HCRTR2: variants seen among roughly 807,000 people sequenced by gnomAD.
HCRTR2 encodes the protein orexin receptor type 2.
HCRTR2 carries 22 observed loss-of-function variants against 49.0 expected under a neutral mutation model. The ratio of observed to expected loss-of-function variants is 0.45; its 90% CI spans 0.32 to 0.64. The LOEUF is 0.64. HCRTR2 is among the 30% of genes least tolerant of loss of function. HCRTR2 has a pLI of 0.04. For synonymous variants in HCRTR2, 236 were observed against 205.3 expected, an observed-to-expected ratio of 1.15 and a Z score of -1.28; for missense variants, 491 against 559.4, an observed-to-expected ratio of 0.88 and a Z score of 1.23.
rs767513282 is a variant in HCRTR2, at chr6:55,263,808, C to G, written c.748C>G (p.Leu250Val). The change falls in exon 4 of 7, where the codon CTC (leucine) becomes GTC (valine). Residue 250 changes from leucine (L) to valine (V), a missense_variant. Coordinates refer to ENST00000370862, the MANE Select transcript of HCRTR2 (RefSeq NM_001384272.1). Reference sequence around the variant, plus strand: ...GGCTTATCTGCAAATATTTCGCAAACTCTGGTGTCGACAGGTATATAGTTT... The same window carrying G: ...GGCTTATCTGCAAATATTTCGCAAAGTCTGGTGTCGACAGGTATATAGTTT... The part of the protein sequence containing the change: ...VLAYLQIFRK[L>V]WCRQIPGTSS... 6.2e-7 allele frequency: 1 copy of G among 1,602,888 alleles called. No homozygotes were observed. Among genetic ancestry groups the G allele is most frequent in the Non-Finnish European group, 8.5e-7 (1 of 1,170,274 alleles).
At chr6:55,237,862 T>G (rs1766243666) in intron 1 of HCRTR2, among the ~76,000 whole-genome samples, 1 of 152,226 alleles carries the variant, frequency 6.6e-6, no homozygotes, top group African/African-American at 2.4e-5. Flanking sequence ...AATTGGCACT[T>G]TCTGGATATT....
At position 55,282,272 on chromosome 6, in the gene HCRTR2, G is replaced by A. The variant is rs763502521; in HGVS notation, c.1153G>A (p.Gly385Arg). The part of the protein sequence containing the change: ...FKAAFSCCCL[G>R]VHHRQEDRLT... Reference sequence around the variant, plus strand: ...AGCTGCGTTTTCTTGCTGTTGCCTTGGAGTTCACCATCGCCAGGAGGATCG... The same window carrying A: ...AGCTGCGTTTTCTTGCTGTTGCCTTAGAGTTCACCATCGCCAGGAGGATCG... Residue 385 changes from glycine (G) to arginine (R), a missense_variant, in exon 7 of 7, where the codon GGA becomes AGA. Coordinates refer to ENST00000370862, the MANE Select transcript of HCRTR2 (RefSeq NM_001384272.1). The A allele has an allele frequency of 3.1e-6, 5 of 1,613,812 alleles. No individual in the cohort carries two copies. In the South Asian group the frequency reaches 4.4e-5, roughly 14 times the overall value.
intron 4 of HCRTR2, among the ~76,000 whole-genome samples, chr6:55,275,861 T>C (rs1475980786): frequency 2.6e-5 from 4 of 152,056 alleles, no homozygotes; most frequent in Admixed American, 2.0e-4. Flanking sequence ...CGAAAACTGT[T>C]TCTAATGGCG....
chr6:55,267,364 T>C (rs1766878919), intron 4 of HCRTR2, among the ~76,000 whole-genome samples: 1 of 151,498 alleles, frequency 6.6e-6, no homozygotes, highest in African/African-American at 2.4e-5. Flanking sequence ...AAGAATTAGC[T>C]AATGCATTGC....
intron 1 of HCRTR2, among the ~76,000 whole-genome samples, chr6:55,167,702 C>G (rs1764897448): frequency 6.6e-6 from 1 of 152,148 alleles, no homozygotes; most frequent in Admixed American, 6.5e-5. Flanking sequence ...CCCTTCAGAG[C>G]ACCCGACGAT....
intron 1 of HCRTR2, among the ~76,000 whole-genome samples, chr6:55,107,647 A>T (rs1233715925): frequency 6.6e-6 from 1 of 151,814 alleles, no homozygotes. Context: ...CAAAAATAAT[A>T]GTTTCACAAA....
At chr6:55,124,052 C>G (rs766417110) in intron 1 of HCRTR2, among the ~76,000 whole-genome samples, 1 of 151,966 alleles carries the variant, frequency 6.6e-6, no homozygotes, top group Non-Finnish European at 1.5e-5. Flanking sequence ...TTTTGTTAAT[C>G]TTTTCAAAAA....
intron 2 of HCRTR2, among the ~76,000 whole-genome samples, chr6:55,251,191 G>A (rs1286720942): frequency 6.6e-6 from 1 of 152,054 alleles, no homozygotes; most frequent in Non-Finnish European, 1.5e-5. Flanking sequence ...ATCATGCCCA[G>A]CCACATTTTA....
At chr6:55,129,564 T>C (rs779018065) in intron 1 of HCRTR2, among the ~76,000 whole-genome samples, 10 of 152,226 alleles carry the variant, frequency 6.6e-5, no homozygotes, top group Non-Finnish European at 1.3e-4. Context: ...AGTTATTCCA[T>C]GGTCTCCTCT....
intron 1 of HCRTR2, among the ~76,000 whole-genome samples, chr6:55,231,804 CTGTT>C (rs1766119956): frequency 2.0e-5 from 3 of 152,120 alleles, no homozygotes; most frequent in Admixed American, 1.3e-4. Flanking sequence ...ATCAATCTAG[CTGTT>C]TCTCTATTTT....
chr6:55,174,850 C>A, intron 1 of HCRTR2, 40 bp downstream of exon 1: 1 of 1,516,438 alleles, frequency 6.6e-7, no homozygotes, highest in Non-Finnish European at 9.2e-7. Context: ...GGGCTATCAC[C>A]CCCTCTCCGC....
chr6:55,268,032 A>G (rs914445976), intron 4 of HCRTR2, among the ~76,000 whole-genome samples: 1 of 152,202 alleles, frequency 6.6e-6, no homozygotes, highest in African/African-American at 2.4e-5. Flanking sequence ...TCACCTTATA[A>G]TGTATACAGA....
intron 1 of HCRTR2, among the ~76,000 whole-genome samples, chr6:55,236,189 C>T (rs1766209448): frequency 6.6e-6 from 1 of 151,882 alleles, no homozygotes; most frequent in African/African-American, 2.4e-5. Context: ...TCATATTTTA[C>T]AGTGCAGAAA....
At chr6:55,160,154 C>T (rs1448250698) in intron 1 of HCRTR2, among the ~76,000 whole-genome samples, 1 of 152,186 alleles carries the variant, frequency 6.6e-6, no homozygotes, top group African/African-American at 2.4e-5. Flanking sequence ...AGAAACCCTA[C>T]AAGCCAGAAG....
In HCRTR2 at chr6:55,263,557, A is replaced by G. The variant is rs1562026462; in HGVS notation, c.647-150A>G. 1.3e-5 allele frequency: 8 copies of G among 637,538 alleles called. No homozygotes were observed. In the East Asian group the frequency reaches 1.9e-4, roughly 15 times the overall value. 39.5% of individuals were successfully genotyped at this position (637,538 alleles called of 1,614,324 possible). A position where few individuals can be genotyped will look rare whatever the true frequency, so the allele number is the denominator to read the frequency against. Reference sequence around the variant, plus strand: ...TGAGTAAAATAAGTTGTTAAATATTATGAATTATTTTTCCCCTTTGCATAC... The same window carrying G: ...TGAGTAAAATAAGTTGTTAAATATTGTGAATTATTTTTCCCCTTTGCATAC... On this transcript the variant is annotated intron_variant, in intron 3 of 6. Coordinates refer to ENST00000370862, the MANE Select transcript of HCRTR2 (RefSeq NM_001384272.1).
intron 1 of HCRTR2, among the ~76,000 whole-genome samples, chr6:55,187,704 T>A (rs1176309729): frequency 6.7e-6 from 1 of 148,786 alleles, no homozygotes; most frequent in Non-Finnish European, 1.5e-5. Context: ...TTTTTTTTTT[T>A]ACAGGTAGTG....
intron 1 of HCRTR2, among the ~76,000 whole-genome samples, chr6:55,176,539 A>T (rs1419436024): frequency 6.6e-6 from 1 of 152,336 alleles, no homozygotes; most frequent in East Asian, 1.9e-4. Flanking sequence ...AAAATTGAAC[A>T]TATATTGAGT....
At chr6:55,121,871 T>C (rs1486004049) in intron 1 of HCRTR2, among the ~76,000 whole-genome samples, 1 of 152,172 alleles carries the variant, frequency 6.6e-6, no homozygotes, top group Non-Finnish European at 1.5e-5. Context: ...GCCAGTATTT[T>C]ATTGAGGATT....
chr6:55,208,816 TAA>T (rs1353259270), intron 1 of HCRTR2, among the ~76,000 whole-genome samples: 1 of 152,162 alleles, frequency 6.6e-6, no homozygotes, highest in Non-Finnish European at 1.5e-5. Context: ...TATGTTGTAA[TAA>T]GTGTCAGATT....
Sources: allele counts gnomAD v4.1 joint callset (sites outside exome capture counted in the v4.1 genomes callset), GRCh38; gene constraint gnomAD v4.1.1; transcripts MANE v1.5; gene names NCBI Gene and HGNC (gene_info 2026-07-23, HGNC 2026-07-21).